Variants in MTMR3 observed in about 807,000 individuals in gnomAD.
The protein encoded by MTMR3 is phosphatidylinositol-3,5-bisphosphate 3-phosphatase MTMR3.
In MTMR3, 32 loss-of-function variants were observed where a neutral mutation model predicts 132.4. The observed-to-expected ratio is 0.24, with a 90% CI of 0.18 to 0.32. The LOEUF (loss-of-function observed/expected upper bound fraction) is 0.32. Among genes scored for constraint, MTMR3 ranks in the 10% least tolerant of loss-of-function variants. The pLI is 1.00. For synonymous variants in MTMR3, 556 were observed against 550.3 expected (o/e 1.01, Z -0.14); for missense variants, 1,216 against 1,489.6 (o/e 0.82, Z 3.02).
intron 7 of MTMR3, chr22:29,997,095 G>T (rs545992797): frequency 6.6e-6 from 1 of 152,314 alleles, no homozygotes; most frequent in African/African-American, 2.4e-5. Flanking sequence ...CCCCAATTCA[G>T]ATAGTTTTTT....
At position 29,968,987 on chromosome 22, in the gene MTMR3, C is replaced by T. The variant is rs1294088554; in HGVS notation, c.-84-1989C>T. Among the ~76,000 whole-genome samples the T allele has an allele frequency of 1.1e-4, 16 of 152,262 alleles. No individual in the cohort carries two copies. In the East Asian group the frequency reaches 2.9e-3, roughly 27 times the overall value. ...AACCCCTGTCCTTAGTCATCTTAGCCTCTCCATTTATACTTGCTCCTGCAT... is the reference window on the plus strand; with the variant it reads ...AACCCCTGTCCTTAGTCATCTTAGCTTCTCCATTTATACTTGCTCCTGCAT... On this transcript the variant is annotated intron_variant, in intron 2 of 19. Coordinates refer to ENST00000401950, the MANE Select transcript of MTMR3 (RefSeq NM_021090.4).
chr22:29,920,606 A>C (rs2065391523), intron 1 of MTMR3, among the ~76,000 whole-genome samples: 1 of 152,238 alleles, frequency 6.6e-6, no homozygotes. Context: ...TTTGGATGGT[A>C]GGAAAATAAT....
intron 19 of MTMR3, 36 bp downstream of exon 19, chr22:30,022,733 G>A: frequency 6.3e-7 from 1 of 1,575,328 alleles, no homozygotes; most frequent in Non-Finnish European, 8.6e-7. Context: ...TGGGCTGTGT[G>A]TGGAGGTTGA....
At chr22:29,940,010 G>C (rs1477162206) in intron 1 of MTMR3, among the ~76,000 whole-genome samples, 1 of 152,182 alleles carries the variant, frequency 6.6e-6, no homozygotes, top group Admixed American at 6.5e-5. Context: ...CTTTGCGCCT[G>C]TAATCCCAGC....
intron 1 of MTMR3, among the ~76,000 whole-genome samples, chr22:29,950,580 T>C (rs1247892164): frequency 1.3e-5 from 2 of 152,212 alleles, no homozygotes; most frequent in East Asian, 3.9e-4. Flanking sequence ...GTCAGGCCGG[T>C]CTCAAACTCC....
chr22:30,025,535 A>C (rs1424106652), intron 19 of MTMR3, 95 bp from the exon 20 acceptor site: 2 of 1,359,510 alleles, frequency 1.5e-6, no homozygotes, highest in Non-Finnish European at 2.1e-6. Flanking sequence ...CAGCACATGC[A>C]AATTACACAC....
chr22:29,900,241 C>T (rs1020823614), intron 1 of MTMR3, among the ~76,000 whole-genome samples: 6 of 152,234 alleles, frequency 3.9e-5, no homozygotes, highest in African/African-American at 1.4e-4. Context: ...AACACCAAAA[C>T]CTCATCTTGG....
intron 2 of MTMR3, among the ~76,000 whole-genome samples, chr22:29,968,106 C>T (rs2066465262): frequency 6.6e-6 from 1 of 152,094 alleles, no homozygotes; most frequent in Non-Finnish European, 1.5e-5. Context: ...TAGGTATATA[C>T]CCAGGAGTGG....
At chr22:29,937,481 A>G (rs761244647) in intron 1 of MTMR3, among the ~76,000 whole-genome samples, 23 of 151,890 alleles carry the variant, frequency 1.5e-4, no homozygotes, top group African/African-American at 4.1e-4. Flanking sequence ...AAGCAGCACA[A>G]TCATAGCTTA....
At chr22:29,889,077 A>G (rs565773638) in intron 1 of MTMR3, among the ~76,000 whole-genome samples, 1 of 152,206 alleles carries the variant, frequency 6.6e-6, no homozygotes, top group South Asian at 2.1e-4. Context: ...AACTTGAAAT[A>G]GGGTTGTTAT....
At position 29,978,972 on chromosome 22, in the gene MTMR3, T is replaced by G; in HGVS notation, c.130T>G (p.Phe44Val). The G allele has an allele frequency of 6.2e-7, 1 of 1,613,778 alleles. No homozygotes were observed. Among genetic ancestry groups the G allele is most frequent in the Non-Finnish European group, 8.5e-7 (1 of 1,179,874 alleles). ...FLELHGESTEFVGRAEDAIIA... is the reference protein window; with the variant it reads ...FLELHGESTEVVGRAEDAIIA... Reference sequence around the variant, plus strand: ...TGAACTTCATGGAGAGAGCACAGAGTTTGTGGGCCGTGCCGAGGATGCCAT... The same window carrying G: ...TGAACTTCATGGAGAGAGCACAGAGGTTGTGGGCCGTGCCGAGGATGCCAT... Residue 44 changes from phenylalanine to valine, a missense_variant, in exon 5 of 20, where the codon TTT becomes GTT. Around this residue, in one of 7 missense-constraint regions of MTMR3, gnomAD observed 81 missense variants for 87.7 expected, o/e 0.92. Coordinates refer to ENST00000401950, the MANE Select transcript of MTMR3 (RefSeq NM_021090.4).
chr22:29,996,021 GCTGGGCACAGTGTCTAC>G (rs1280114022), intron 7 of MTMR3: 1 of 152,210 alleles, frequency 6.6e-6, no homozygotes, highest in Non-Finnish European at 1.5e-5. Flanking sequence ...TGTTGTATTA[GCTGGGCACAGTGTCTAC>G]CTATAGTCCT....
At position 29,940,222 on chromosome 22, in the gene MTMR3, T is replaced by C. The variant is rs535908074; in HGVS notation, c.-137-16814T>C. Among the ~76,000 whole-genome samples, 685 of 152,232 alleles carry C rather than the reference T, an allele frequency of 4.5e-3. 6 individuals carry two copies. Among genetic ancestry groups the C allele is most frequent in the African/African-American group, 0.015 (644 of 41,564 alleles). ...GGCGGAACTTGCAGTGAGCCGAGAT[T>C]GTGCCACTGCACGCCAGCCTGGGGG... On this transcript the variant is annotated intron_variant, in intron 1 of 19. Transcript: ENST00000401950.
chr22:29,898,929 A>C, intron 1 of MTMR3, among the ~76,000 whole-genome samples: 1 of 118,616 alleles, frequency 8.4e-6, no homozygotes, highest in African/African-American at 2.8e-5. Context: ...TTTTTTTTTA[A>C]TGAAAGTAAG....
chr22:29,889,901 T>C (rs1411297123), intron 1 of MTMR3, among the ~76,000 whole-genome samples: 1 of 122,742 alleles, frequency 8.1e-6, no homozygotes, highest in African/African-American at 3.0e-5. Context: ...TTCCTTAGGA[T>C]AAATTCTTTT....
chr22:29,991,903 A>G, intron 7 of MTMR3: 1 of 372,052 alleles, frequency 2.7e-6, no homozygotes, highest in African/African-American at 2.1e-5. Context: ...AAAACAGCTC[A>G]ACTATAATAA....
At chr22:29,970,193 G>A (rs1433474001) in intron 2 of MTMR3, among the ~76,000 whole-genome samples, 1 of 152,066 alleles carries the variant, frequency 6.6e-6, no homozygotes, top group Non-Finnish European at 1.5e-5. Context: ...AGAATATTTG[G>A]GTAATAAGGC....
chr22:30,019,339 C>T, intron 16 of MTMR3, 141 bp from the exon 17 acceptor site: 1 of 777,374 alleles, frequency 1.3e-6, no homozygotes, highest in Non-Finnish European at 2.0e-6. Context: ...GCAGTCTGGG[C>T]CTCGCTCCAG....
chr22:30,014,329 C>T (rs1051284430), intron 14 of MTMR3: 3 of 152,226 alleles, frequency 2.0e-5, no homozygotes, highest in East Asian at 3.8e-4. Context: ...TCTCTTTGAT[C>T]CATCATTACC....
Sources: gnomAD v4.1 joint callset for allele counts (sites outside exome capture counted in the v4.1 genomes callset) on GRCh38, gnomAD v4.1.1 for gene constraint, gnomAD v4.1.1 regional missense constraint, MANE v1.5 for transcripts, NCBI Gene and HGNC (gene_info 2026-07-23, HGNC 2026-07-21) for gene names.